The following PCNX2 variants were observed in gnomAD, a reference collection of about 807,000 sequenced individuals.
PCNX2 encodes pecanex-like protein 2.
Under a neutral mutation model 223.8 loss-of-function variants are expected in PCNX2, and 168 were observed. The ratio of observed to expected loss-of-function variants is 0.75; its 90% CI spans 0.66 to 0.85. The LOEUF (loss-of-function observed/expected upper bound fraction) is 0.85. Ranked by LOEUF, PCNX2 falls within the 40% of genes least tolerant of loss-of-function variation. The probability of loss-of-function intolerance (pLI) is 0.00; values close to 1 mark genes in which losing one functional copy is unlikely to be tolerated. For missense variants in PCNX2, 2,507 were observed against 2,675.5 expected (o/e 0.94, Z 1.39); for synonymous variants, 1,006 against 1,052.6 (o/e 0.96, Z 0.86).
chr1:233,322,627 G>T, the PCNX2 span, among the ~76,000 whole-genome samples: 1 of 152,144 alleles, frequency 6.6e-6, no homozygotes, highest in Non-Finnish European at 1.5e-5. Flanking sequence ...TAACCTAGAA[G>T]ATTCTGCAGA....
At chr1:232,998,218 C>T in intron 32 of PCNX2, 33 bp downstream of exon 32, 1 of 1,493,770 alleles carries the variant, frequency 6.7e-7, no homozygotes, top group Non-Finnish European at 8.9e-7. Context: ...AATAGGACTT[C>T]ATCGATAGTT....
At chr1:233,009,783 A>T in intron 28 of PCNX2, among the ~76,000 whole-genome samples, 1 of 152,004 alleles carries the variant, frequency 6.6e-6, no homozygotes, top group Non-Finnish European at 1.5e-5. Flanking sequence ...TGAGGTTTGG[A>T]CTCATGGGAC....
intron 22 of PCNX2, among the ~76,000 whole-genome samples, chr1:233,094,990 A>G (rs553026877): frequency 1.2e-4 from 19 of 152,334 alleles, no homozygotes; most frequent in South Asian, 4.1e-4. Flanking sequence ...TAAAAACTCT[A>G]AATTCACTGG....
intron 23 of PCNX2, 126 bp downstream of exon 23, chr1:233,089,935 A>G: frequency 6.7e-7 from 1 of 1,495,508 alleles, no homozygotes; most frequent in South Asian, 1.4e-5. Flanking sequence ...CAAGAGAGAC[A>G]GGTTTGGCCT....
intron 21 of PCNX2, among the ~76,000 whole-genome samples, chr1:233,122,073 TACACACACAC>T (rs3033285): frequency 8.4e-5 from 11 of 131,400 alleles, no homozygotes; most frequent in South Asian, 2.5e-4. Context: ...AGTTAGAAAG[TACACACACAC>T]ACACACACAC....
At chr1:233,141,773 A>ATGTGTGTGTGTGTGTG (rs34145635) in intron 19 of PCNX2, among the ~76,000 whole-genome samples, 1 of 146,182 alleles carries the variant, frequency 6.8e-6, no homozygotes, top group Non-Finnish European at 1.5e-5. Context: ...GTATATGTAT[A>ATGTGTGTGTGTGTGTG]TGTGTGTGTG....
the PCNX2 span, among the ~76,000 whole-genome samples, chr1:233,318,847 A>G: frequency 0.51 from 76,644 of 151,740 alleles, 19,702 homozygotes; most frequent in African/African-American, 0.57. Flanking sequence ...TGGGATTACA[A>G]GCGTGAGCCA....
chr1:233,012,504 C>T (rs1316856884), intron 28 of PCNX2, among the ~76,000 whole-genome samples: 1 of 152,060 alleles, frequency 6.6e-6, no homozygotes, highest in East Asian at 1.9e-4. Context: ...GTGAAGTGAA[C>T]CAGTCCCAAA....
At chr1:233,248,169 T>C (rs1163786570) in intron 8 of PCNX2, among the ~76,000 whole-genome samples, 1 of 152,158 alleles carries the variant, frequency 6.6e-6, no homozygotes, top group Non-Finnish European at 1.5e-5. Context: ...CAGTAATTAA[T>C]TCAGTTGCCT....
intron 32 of PCNX2, among the ~76,000 whole-genome samples, chr1:232,987,258 G>T (rs1669528442): frequency 6.6e-6 from 1 of 152,200 alleles, no homozygotes; most frequent in African/African-American, 2.4e-5. Flanking sequence ...AAAGGGACTG[G>T]ACTACCCCCA....
intron 25 of PCNX2, among the ~76,000 whole-genome samples, chr1:233,036,545 G>A (rs543408040): frequency 4.0e-5 from 6 of 151,668 alleles, no homozygotes; most frequent in Admixed American, 1.3e-4. Context: ...CAGGAGAATC[G>A]CTTGAACCCA....
At chr1:233,222,082 A>C (rs987911374) in intron 10 of PCNX2, among the ~76,000 whole-genome samples, 6 of 152,220 alleles carry the variant, frequency 3.9e-5, no homozygotes, top group African/African-American at 1.2e-4. Flanking sequence ...GAATAGAACC[A>C]GGCGAGAGAA....
At chr1:233,038,350 A>G (rs1418679206) in intron 25 of PCNX2, among the ~76,000 whole-genome samples, 10 of 152,202 alleles carry the variant, frequency 6.6e-5, no homozygotes, top group African/African-American at 2.4e-4. Context: ...TACTCAGAAG[A>G]GTCCTTAGAA....
chr1:233,095,587 C>T, intron 22 of PCNX2, 168 bp downstream of exon 22: 1 of 635,434 alleles, frequency 1.6e-6, no homozygotes, highest in East Asian at 2.8e-5. Flanking sequence ...AAAGAAATAT[C>T]TTTTAAGGCT....
chr1:233,056,910 A>AT (rs1211304380), intron 24 of PCNX2, among the ~76,000 whole-genome samples: 2 of 151,718 alleles, frequency 1.3e-5, no homozygotes, highest in Non-Finnish European at 2.9e-5. Context: ...TTTCCAAAGA[A>AT]TTTTTTTTTC....
chr1:233,241,880 T>C (rs947442543), intron 8 of PCNX2, among the ~76,000 whole-genome samples: 3 of 152,216 alleles, frequency 2.0e-5, no homozygotes, highest in Non-Finnish European at 2.9e-5. Flanking sequence ...GTGTCACTAT[T>C]ATTTCTTCTG....
chr1:233,166,875 T>C (rs1678826428), intron 17 of PCNX2, among the ~76,000 whole-genome samples: 1 of 152,110 alleles, frequency 6.6e-6, no homozygotes, highest in African/African-American at 2.4e-5. Flanking sequence ...GGTGTGTTGG[T>C]TCCCGCCTGT....
In PCNX2 at chr1:232,984,421, G is replaced by T. The variant is rs61743718; in HGVS notation, c.6297C>A (p.Asp2099Glu). 382 of 1,613,718 alleles carry T rather than the reference G, an allele frequency of 2.4e-4. 2 individuals carry two copies. In the African/African-American group the frequency reaches 4.6e-3, roughly 19 times the overall value. Residue 2099 changes from aspartate (D) to glutamate (E), a missense_variant, in exon 34 of 34, where the codon GAC (aspartate) becomes GAA (glutamate). This residue lies in a region of PCNX2 where 1,372 missense variants were observed against 1,509.4 expected (regional missense o/e 0.91). Coordinates refer to ENST00000258229, the MANE Select transcript of PCNX2 (RefSeq NM_014801.4). ...CCGCCACAGCCTCAGCCAGACATCG[G>T]TCATGAAGCTGCCCCTGCTCGGTGG... ...PDATEQGQLH[D>E]RCLAEAVADT...
intron 25 of PCNX2, among the ~76,000 whole-genome samples, chr1:233,030,042 A>G (rs918595524): frequency 5.3e-5 from 8 of 152,200 alleles, no homozygotes; most frequent in East Asian, 1.9e-4. Flanking sequence ...CCTATTTCAC[A>G]CTTCTCCATT....
Sources: allele counts gnomAD v4.1 joint callset (sites outside exome capture counted in the v4.1 genomes callset), GRCh38; gene constraint gnomAD v4.1.1; regional missense constraint gnomAD v4.1.1; transcripts MANE v1.5; gene names NCBI Gene and HGNC (gene_info 2026-07-23, HGNC 2026-07-21).